Variants in GALNT16 observed in about 807,000 individuals in gnomAD.
GALNT16 encodes the protein UDP-GalNAc:polypeptide N-acetylgalactosaminyltransferase-like protein 1.
In GALNT16, 40 loss-of-function variants were observed where a neutral mutation model predicts 76.1. The observed-to-expected ratio is 0.53, with a 90% CI of 0.41 to 0.68. GALNT16 has a LOEUF of 0.68. Among genes scored for constraint, GALNT16 ranks in the 30% least tolerant of loss-of-function variants. The pLI is 0.00. For synonymous variants in GALNT16, 276 were observed against 285.2 expected (o/e 0.97, Z 0.32); for missense variants, 621 against 731.9 (o/e 0.85, Z 1.75).
the GALNT16 span, among the ~76,000 whole-genome samples, chr14:69,379,553 G>C: frequency 6.6e-6 from 1 of 152,322 alleles, no homozygotes; most frequent in South Asian, 2.1e-4. Context: ...CTGGCTGTTG[G>C]TAAAGTGCTA....
At chr14:69,384,442 C>T in the GALNT16 span, among the ~76,000 whole-genome samples, 6 of 152,218 alleles carry the variant, frequency 3.9e-5, no homozygotes, top group Non-Finnish European at 8.8e-5. Flanking sequence ...CCAGCTATGT[C>T]TAATTCTGCC....
At chr14:69,339,192 C>T (rs2045452815) in intron 10 of GALNT16, among the ~76,000 whole-genome samples, 1 of 152,128 alleles carries the variant, frequency 6.6e-6, no homozygotes, top group East Asian at 1.9e-4. Flanking sequence ...GAAGACCACT[C>T]CACGGTCTGC....
chr14:69,312,582 C>A (rs1482146871), intron 1 of GALNT16, among the ~76,000 whole-genome samples: 2 of 152,184 alleles, frequency 1.3e-5, no homozygotes, highest in Non-Finnish European at 2.9e-5. Context: ...TCATCAGGAC[C>A]TTGAGGGTGT....
intron 1 of GALNT16, among the ~76,000 whole-genome samples, chr14:69,272,360 CATAA>C (rs1266215970): frequency 2.0e-5 from 3 of 151,884 alleles, no homozygotes; most frequent in Non-Finnish European, 2.9e-5. Flanking sequence ...AAGACTCTGT[CATAA>C]ATAAATAAAT....
At position 69,322,924 on chromosome 14, in the gene GALNT16, GGGTGTGTGTGTGTGTGTGTGTGTGT is replaced by G. The variant is rs1221737912; in HGVS notation, c.336-1766_336-1742del. On this transcript the variant is annotated intron_variant, in intron 2 of 14. Coordinates refer to ENST00000448469, the MANE Select transcript of GALNT16 (RefSeq NM_001168368.2). ...AAAAAGAAAGCTGAGGTGGCTCACG[GGGTGTGTGTGTGTGTGTGTGTGTGT>G]GTGTGTGTGTGTGTGTGTGTGTGTG... 1.4e-3 allele frequency among the ~76,000 whole-genome samples: 148 copies of G among 104,710 alleles called. 2 individuals carry two copies. Among genetic ancestry groups the G allele is most frequent in the African/African-American group, 5.5e-3 (145 of 26,142 alleles). The allele number at this position is 104,710 out of a possible 152,430, so 68.7% of individuals were successfully genotyped here. A position where few individuals can be genotyped will look rare whatever the true frequency, so the allele number is the denominator to read the frequency against.
chr14:69,377,222 T>A, the GALNT16 span, among the ~76,000 whole-genome samples: 1 of 152,236 alleles, frequency 6.6e-6, no homozygotes, highest in South Asian at 2.1e-4. Context: ...TAGAGGTCCA[T>A]TATTTAGCAC....
At chr14:69,365,601 C>G in the GALNT16 span, among the ~76,000 whole-genome samples, 1 of 152,064 alleles carries the variant, frequency 6.6e-6, no homozygotes, top group African/African-American at 2.4e-5. Context: ...TGGTGGGGAA[C>G]AACACACTCT....
At chr14:69,320,988 G>T in intron 2 of GALNT16, 120 bp downstream of exon 2, 5 of 1,032,074 alleles carry the variant, frequency 4.8e-6, no homozygotes, top group Non-Finnish European at 7.1e-6. Context: ...TGTGTCCAGT[G>T]ATTTAGACAT....
intron 12 of GALNT16, among the ~76,000 whole-genome samples, chr14:69,346,184 A>G (rs755390727): frequency 6.0e-4 from 92 of 152,088 alleles, no homozygotes; most frequent in Non-Finnish European, 2.1e-4. Context: ...GTGGGCTACC[A>G]TGCCCAGCCA....
chr14:69,290,522 A>G (rs1030052706), intron 1 of GALNT16, among the ~76,000 whole-genome samples: 5 of 152,228 alleles, frequency 3.3e-5, no homozygotes, highest in African/African-American at 2.4e-5. Flanking sequence ...CTTCGGTTTC[A>G]TTGTTGATGG....
At chr14:69,356,132 A>C (rs1051809885), downstream of GALNT16, 1 of 152,256 alleles carries the variant, frequency 6.6e-6, no homozygotes, top group African/African-American at 2.4e-5. Flanking sequence ...CAGCTTCTCT[A>C]ATGGGAAGAG....
chr14:69,303,478 C>G (rs2044883312), intron 1 of GALNT16, among the ~76,000 whole-genome samples: 1 of 152,180 alleles, frequency 6.6e-6, no homozygotes, highest in Non-Finnish European at 1.5e-5. Flanking sequence ...AAGCTGTACA[C>G]TAGGCCCATG....
chr14:69,367,407 C>T, the GALNT16 span, among the ~76,000 whole-genome samples: 1 of 151,902 alleles, frequency 6.6e-6, no homozygotes, highest in Non-Finnish European at 1.5e-5. Flanking sequence ...CTAGAGAACT[C>T]TCCTCCATGT....
Position 69,324,727 on chromosome 14 carries a change from C to T in GALNT16, c.371C>T (p.Ala124Val), listed in dbSNP as rs144418311. 5.1e-4 allele frequency: 829 copies of T among 1,613,000 alleles called. 11 individuals are homozygous for T. The East Asian group carries it at 0.018, about 35-fold the overall frequency. ...GTGTCCTACTCCTCGGACCTGCCAG[C>T]CACCAGCGTCATCATCACCTTCCAC... Reference protein sequence around the residue: ...PSVSYSSDLPATSVIITFHNE... With the variant: ...PSVSYSSDLPVTSVIITFHNE... Residue 124 changes from alanine (A) to valine (V), a missense_variant, in exon 3 of 15, where the codon GCC becomes GTC. Coordinates refer to ENST00000448469, the MANE Select transcript of GALNT16 (RefSeq NM_001168368.2).
chr14:69,368,026 A>G, the GALNT16 span, among the ~76,000 whole-genome samples: 1 of 152,130 alleles, frequency 6.6e-6, no homozygotes. Flanking sequence ...GAAAAGAGAA[A>G]GAATGGCAAG....
At chr14:69,310,132 T>C (rs1423315456) in intron 1 of GALNT16, among the ~76,000 whole-genome samples, 1 of 152,158 alleles carries the variant, frequency 6.6e-6, no homozygotes, top group Non-Finnish European at 1.5e-5. Context: ...GATCTGTTTA[T>C]AGTAAGACAT....
chr14:69,365,612 G>T, the GALNT16 span, among the ~76,000 whole-genome samples: 1 of 152,162 alleles, frequency 6.6e-6, no homozygotes, highest in Non-Finnish European at 1.5e-5. Flanking sequence ...AACACACTCT[G>T]CAGCCTGTTG....
chr14:69,271,274 A>G (rs2140104359), intron 1 of GALNT16, among the ~76,000 whole-genome samples: 1 of 152,256 alleles, frequency 6.6e-6, no homozygotes, highest in African/African-American at 2.4e-5. Context: ...GGGGCTCTGG[A>G]ACTGGGACTC....
chr14:69,288,437 C>A (rs1182074238), intron 1 of GALNT16, among the ~76,000 whole-genome samples: 2 of 152,220 alleles, frequency 1.3e-5, no homozygotes, highest in African/African-American at 2.4e-5. Context: ...AGTGGGGATG[C>A]TGCCAAACCT....
Sources: gnomAD v4.1 joint callset for allele counts (sites outside exome capture counted in the v4.1 genomes callset) on GRCh38, gnomAD v4.1.1 for gene constraint, MANE v1.5 for transcripts, NCBI Gene and HGNC (gene_info 2026-07-23, HGNC 2026-07-21) for gene names.